CFAP77: variants seen among roughly 807,000 people sequenced by gnomAD.
The protein encoded by CFAP77 is cilia- and flagella-associated protein 77.
CFAP77 carries 25 observed loss-of-function variants against 31.1 expected under a neutral mutation model. The ratio of observed to expected loss-of-function variants is 0.80; its 90% confidence interval spans 0.59 to 1.12. The LOEUF is 1.12. Among genes scored for constraint, CFAP77 ranks in the 50% most tolerant of loss-of-function variants. CFAP77 has a pLI of 0.00. For synonymous variants in CFAP77, 151 were observed against 159.9 expected (o/e 0.94, Z 0.42); for missense variants, 377 against 397.3 (o/e 0.95, Z 0.44).
chr9:132,486,088 ATAT>A (rs1224545329), intron 1 of CFAP77, among the ~76,000 whole-genome samples: 3,206 of 28,504 alleles, frequency 0.11, 733 homozygotes, highest in Admixed American at 0.21. Flanking sequence ...ATATATATAT[ATAT>A]TTTTTTTTTT....
intron 1 of CFAP77, among the ~76,000 whole-genome samples, chr9:132,438,485 T>A (rs1850548715): frequency 2.7e-5 from 4 of 147,450 alleles, no homozygotes; most frequent in Admixed American, 1.4e-4. Context: ...ATAAAAGGAT[T>A]CTGAGTTCTC....
Position 132,539,239 on chromosome 9 carries a change from G to C in CFAP77, c.630+1533G>C, listed in dbSNP as rs922564245. Among the ~76,000 whole-genome samples the C allele has an allele frequency of 6.6e-6, 1 of 152,216 alleles. No homozygotes were observed. The highest frequency in any genetic ancestry group is 2.4e-5 in the African/African-American group (1 of 41,446). On this transcript the variant is annotated intron_variant, in intron 4 of 5. Transcript: ENST00000393216. This position sits in a 1 kb window ranked among gnomAD's most constrained non-coding sequence, Gnocchi z 4.3. ...ATCAGAATCACTCTATGTTCACACA[G>C]TACTTTATAGACTTCATCAAGGCGT...
At chr9:132,561,661 A>C (rs372413785) in intron 5 of CFAP77, among the ~76,000 whole-genome samples, 515 of 46,446 alleles carry the variant, frequency 0.011, 7 homozygotes, top group Non-Finnish European at 0.017. Context: ...ACACACACAC[A>C]CCCCCTCCAT....
chr9:132,411,082 T>TCCCTTCCATTACACTTC (rs1202219942), intron 1 of CFAP77, among the ~76,000 whole-genome samples: 14 of 152,386 alleles, frequency 9.2e-5, no homozygotes, highest in Non-Finnish European at 4.4e-5. Flanking sequence ...TGGATCACTT[T>TCCCTTCCATTACACTTC]CCCTTCCATT....
chr9:132,416,919 G>A (rs567313144), intron 1 of CFAP77, among the ~76,000 whole-genome samples: 16 of 152,148 alleles, frequency 1.1e-4, no homozygotes, highest in African/African-American at 3.6e-4. Context: ...TTACAGGTGT[G>A]AGCCACTGTG....
chr9:132,411,162 C>T (rs1475340730), intron 1 of CFAP77, among the ~76,000 whole-genome samples: 3 of 152,216 alleles, frequency 2.0e-5, no homozygotes, highest in Non-Finnish European at 4.4e-5. Flanking sequence ...GTGGCGGCCA[C>T]ACCTTCCCGG....
rs1302055506 is a variant in CFAP77, at chr9:132,498,889, TG to T, written c.295+97del. 2 of 897,524 alleles carry T rather than the reference TG, an allele frequency of 2.2e-6. No homozygotes were observed. The highest frequency in any genetic ancestry group is 2.3e-5 in the Admixed American group (1 of 43,472). The allele number at this position is 897,524 out of a possible 1,614,324, so 55.6% of individuals were successfully genotyped here. Reference sequence around the variant, plus strand: ...TTGACCTAGCTCGCTGCTTGGCAGCTGGTTGGGTGCTGGAGAAAGACCCAGG... The same window carrying T: ...TTGACCTAGCTCGCTGCTTGGCAGCTGTTGGGTGCTGGAGAAAGACCCAGG... On this transcript the variant is annotated intron_variant, in intron 2 of 5. Coordinates refer to ENST00000393216, the MANE Select transcript of CFAP77 (RefSeq NM_001282957.2). The surrounding 1 kb of genome is among the most constrained non-coding windows in gnomAD (Gnocchi z 4.2).
At position 132,552,222 on chromosome 9, in the gene CFAP77, T is replaced by C. The variant is rs114922948; in HGVS notation, c.732+9175T>C. On this transcript the variant is annotated intron_variant, in intron 5 of 5. Coordinates refer to ENST00000393216, the MANE Select transcript of CFAP77 (RefSeq NM_001282957.2). This position sits in a 1 kb window ranked among gnomAD's most constrained non-coding sequence, Gnocchi z 5.5. ...CAGGTCTGCATCTGTGAAGTGGGGATGGCAACAGAGAGGACCAAGTGCAAT... is the reference window on the plus strand; with the variant it reads ...CAGGTCTGCATCTGTGAAGTGGGGACGGCAACAGAGAGGACCAAGTGCAAT... Among the ~76,000 whole-genome samples, 1,646 of 152,268 alleles carry C rather than the reference T, an allele frequency of 0.011. 39 individuals are homozygous for C. The highest frequency in any genetic ancestry group is 0.037 in the African/African-American group (1,541 of 41,572).
At chr9:132,454,985 C>T (rs986108307) in intron 1 of CFAP77, among the ~76,000 whole-genome samples, 1 of 151,458 alleles carries the variant, frequency 6.6e-6, no homozygotes, top group Non-Finnish European at 1.5e-5. Flanking sequence ...GAAGTGAGGA[C>T]ATCACAAAAT....
Position 132,539,632 on chromosome 9 carries a change from T to TCAGGAGGGGC in CFAP77, c.630+1936_630+1945dup, listed in dbSNP as rs1394492222. On this transcript the variant is annotated intron_variant, in intron 4 of 5. Coordinates refer to ENST00000393216, the MANE Select transcript of CFAP77 (RefSeq NM_001282957.2). This position sits in a 1 kb window ranked among gnomAD's most constrained non-coding sequence, Gnocchi z 4.3. Reference sequence around the variant, plus strand: ...AGTCTTTCTCGAAATCCTGGTACCCTCAGGAGGGGCCAGGAGGGGTGCACG... The same window carrying TCAGGAGGGGC: ...AGTCTTTCTCGAAATCCTGGTACCCTCAGGAGGGGCCAGGAGGGGCCAGGAGGGGTGCACG... Among the ~76,000 whole-genome samples, 2 of 152,032 alleles carry TCAGGAGGGGC rather than the reference T, an allele frequency of 1.3e-5. No individual in the cohort carries two copies. The highest frequency in any genetic ancestry group is 2.9e-5 in the Non-Finnish European group (2 of 68,004).
chr9:132,488,039 C>T (rs1448181152), intron 1 of CFAP77, among the ~76,000 whole-genome samples: 9 of 152,184 alleles, frequency 5.9e-5, no homozygotes, highest in African/African-American at 2.2e-4. Flanking sequence ...TATTTAATCA[C>T]TACCAGGCAA....
intron 5 of CFAP77, among the ~76,000 whole-genome samples, chr9:132,546,060 G>T (rs1034796753): frequency 3.3e-5 from 5 of 152,226 alleles, no homozygotes; most frequent in Admixed American, 1.3e-4. Flanking sequence ...GGCCAGCAGG[G>T]TGCCTGGCAC....
At chr9:132,420,432 C>G (rs1478649009) in intron 1 of CFAP77, among the ~76,000 whole-genome samples, 1 of 150,896 alleles carries the variant, frequency 6.6e-6, no homozygotes, top group Non-Finnish European at 1.5e-5. Context: ...GTGGGCGGAT[C>G]ACTTGAGGCC....
intron 1 of CFAP77, among the ~76,000 whole-genome samples, chr9:132,428,859 T>C (rs954518475): frequency 6.6e-6 from 1 of 152,022 alleles, no homozygotes; most frequent in African/African-American, 2.4e-5. Context: ...TGCGATGGTG[T>C]TGGTCAGGGT....
rs1398489477 is a variant in CFAP77 at position 132,545,034 on chromosome 9, C to T, written c.732+1987C>T. On this transcript the variant is annotated intron_variant, in intron 5 of 5. Transcript: ENST00000393216. The surrounding 1 kb of genome is among the most constrained non-coding windows in gnomAD (Gnocchi z 4.6). ...AGGAAAGGGCTCCAGGTAACAGTGC[C>T]GCACCTGTGCTGGGAGCTCCGGTCT... Among the ~76,000 whole-genome samples, 2 of 152,200 alleles carry T rather than the reference C, an allele frequency of 1.3e-5. No individual in the cohort carries two copies. The highest frequency in any genetic ancestry group is 2.9e-5 in the Non-Finnish European group (2 of 68,044).
intron 1 of CFAP77, among the ~76,000 whole-genome samples, chr9:132,410,985 C>T (rs180903573): frequency 2.8e-4 from 42 of 152,348 alleles, no homozygotes; most frequent in Admixed American, 5.9e-4. Context: ...TAATTTCTTA[C>T]CCAAATTACA....
At chr9:132,475,600 C>T (rs1185137667) in intron 1 of CFAP77, among the ~76,000 whole-genome samples, 1 of 152,136 alleles carries the variant, frequency 6.6e-6, no homozygotes, top group Admixed American at 6.5e-5. Context: ...CGGTTAGGAG[C>T]AGGAAGAACA....
intron 1 of CFAP77, among the ~76,000 whole-genome samples, chr9:132,446,866 G>C (rs1793219699): frequency 6.6e-6 from 1 of 151,796 alleles, no homozygotes; most frequent in South Asian, 2.1e-4. Flanking sequence ...CAGCAGCCCT[G>C]TGAGATAGGA....
At chr9:132,427,710 G>A (rs1010045746) in intron 1 of CFAP77, among the ~76,000 whole-genome samples, 73 of 152,336 alleles carry the variant, frequency 4.8e-4, no homozygotes, top group African/African-American at 1.8e-3. Flanking sequence ...GGAAGGATCT[G>A]TTCCAGGCCT....
Sources: allele counts gnomAD v4.1 joint callset (sites outside exome capture counted in the v4.1 genomes callset), GRCh38; gene constraint gnomAD v4.1.1; non-coding constraint Gnocchi (gnomAD v3.1); transcripts MANE v1.5; gene names NCBI Gene and HGNC (gene_info 2026-07-23, HGNC 2026-07-21).